ZNF385B: variants seen among roughly 807,000 people sequenced by gnomAD.
ZNF385B encodes zinc finger protein 533.
ZNF385B carries 23 observed loss-of-function variants against 39.2 expected under a neutral mutation model. That is an observed-to-expected ratio of 0.59 (90% CI 0.42 to 0.83). ZNF385B has a LOEUF of 0.83. ZNF385B is among the 40% of genes least tolerant of loss of function. The pLI, the probability that ZNF385B is intolerant of heterozygous loss-of-function variation, is 0.00. For synonymous variants in ZNF385B, 205 were observed against 222.6 expected, an observed-to-expected ratio of 0.92 and a Z score of 0.70; for missense variants, 552 against 598.9, an observed-to-expected ratio of 0.92 and a Z score of 0.82.
At chr2:179,451,550 A>G (rs1559241765) in intron 6 of ZNF385B, among the ~76,000 whole-genome samples, 1 of 152,144 alleles carries the variant, frequency 6.6e-6, no homozygotes, top group Non-Finnish European at 1.5e-5. Flanking sequence ...TAAAATTCAG[A>G]TAAATTATGT....
chr2:179,649,143 A>G (rs1310371637), intron 3 of ZNF385B, among the ~76,000 whole-genome samples: 1 of 152,220 alleles, frequency 6.6e-6, no homozygotes, highest in African/African-American at 2.4e-5. Flanking sequence ...AAGAGGAAAC[A>G]GCAGGAAACA....
At chr2:179,757,214 T>G (rs940518171) in intron 3 of ZNF385B, among the ~76,000 whole-genome samples, 4 of 152,230 alleles carry the variant, frequency 2.6e-5, no homozygotes, top group Admixed American at 1.3e-4. Flanking sequence ...CTGTTGGAGT[T>G]TGCTGGAGGT....
chr2:179,444,707 T>C (rs2049293420), intron 9 of ZNF385B, among the ~76,000 whole-genome samples, 169 bp downstream of exon 9: 1 of 152,206 alleles, frequency 6.6e-6, no homozygotes, highest in Non-Finnish European at 1.5e-5. Flanking sequence ...TCTAAGTAAG[T>C]TGCCCTATAG....
chr2:179,690,737 T>A (rs1698292639), intron 3 of ZNF385B, among the ~76,000 whole-genome samples: 1 of 152,220 alleles, frequency 6.6e-6, no homozygotes, highest in South Asian at 2.1e-4. Context: ...ATCTGAAATA[T>A]GGGGTCACAC....
chr2:179,445,331 C>T (rs1472616216), intron 8 of ZNF385B, among the ~76,000 whole-genome samples: 1 of 152,202 alleles, frequency 6.6e-6, no homozygotes, highest in Non-Finnish European at 1.5e-5. Context: ...ATCTCTCCAA[C>T]ATCTAGCCTG....
intron 3 of ZNF385B, among the ~76,000 whole-genome samples, chr2:179,595,502 G>A (rs1687920276): frequency 6.6e-6 from 1 of 152,142 alleles, no homozygotes; most frequent in Non-Finnish European, 1.5e-5. Context: ...GTGCAGGGTG[G>A]TGATGCTTCC....
chr2:179,826,381 T>C (rs530057069), intron 1 of ZNF385B, among the ~76,000 whole-genome samples: 4 of 152,232 alleles, frequency 2.6e-5, no homozygotes, highest in African/African-American at 9.6e-5. Context: ...GGGATAGAGG[T>C]AGAAGGCTGG....
At chr2:179,754,332 T>G (rs1702876566) in intron 3 of ZNF385B, among the ~76,000 whole-genome samples, 1 of 152,222 alleles carries the variant, frequency 6.6e-6, no homozygotes, top group Non-Finnish European at 1.5e-5. Flanking sequence ...GAATTCGGTG[T>G]GCCAGTATTT....
At chr2:179,502,281 G>C (rs1448582035) in intron 5 of ZNF385B, among the ~76,000 whole-genome samples, 2 of 152,220 alleles carry the variant, frequency 1.3e-5, no homozygotes, top group Non-Finnish European at 2.9e-5. Context: ...TTGGGAGACT[G>C]TTGGGAAGGC....
At chr2:179,581,704 G>A (rs989830506) in intron 3 of ZNF385B, among the ~76,000 whole-genome samples, 37 of 152,322 alleles carry the variant, frequency 2.4e-4, no homozygotes, top group African/African-American at 8.9e-4. Flanking sequence ...GATACAGAAA[G>A]CATTTCCCAG....
At chr2:179,651,305 C>T (rs911262611) in intron 3 of ZNF385B, among the ~76,000 whole-genome samples, 2 of 151,964 alleles carry the variant, frequency 1.3e-5, no homozygotes, top group Admixed American at 6.6e-5. Flanking sequence ...GATCAATAAA[C>T]GTAAAGCAGT....
intron 3 of ZNF385B, among the ~76,000 whole-genome samples, chr2:179,753,383 C>T (rs1192795190): frequency 6.6e-6 from 1 of 152,160 alleles, no homozygotes; most frequent in African/African-American, 2.4e-5. Flanking sequence ...ATGCCTCCAG[C>T]TTTGCTCTTT....
In ZNF385B at chr2:179,643,626, C is replaced by T. The variant is rs570454816; in HGVS notation, c.299-98657G>A. Reference sequence around the variant, plus strand: ...GAGGCCAGTTTCAAAAGGTAGCATACGGTATGATTCCATATATGTAACATT... The same window carrying T: ...GAGGCCAGTTTCAAAAGGTAGCATATGGTATGATTCCATATATGTAACATT... On this transcript the variant is annotated intron_variant, in intron 3 of 9. Transcript: ENST00000410066. 5.9e-5 allele frequency among the ~76,000 whole-genome samples: 9 copies of T among 152,192 alleles called. No individual in the cohort carries two copies. The South Asian group carries it at 1.2e-3, about 21-fold the overall frequency.
rs111664903 is a variant in ZNF385B at position 179,442,180 on chromosome 2, G to A, written c.*1070C>T. On this transcript the variant is annotated 3_prime_UTR_variant, in exon 10 of 10. Coordinates refer to ENST00000410066, the MANE Select transcript of ZNF385B (RefSeq NM_152520.6). ...AAAGGGGGGCATGGGAGCATGACCT[G>A]CAATATATTCAGCGAACAGAAAGAC... 3,839 of 152,650 alleles carry A rather than the reference G, an allele frequency of 0.025. 57 individuals are homozygous for A. The highest frequency in any genetic ancestry group is 0.037 in the Middle Eastern group (11 of 294). 9.5% of individuals were successfully genotyped at this position (152,650 alleles called of 1,614,324 possible).
At chr2:179,835,639 T>C (rs1708209316) in intron 1 of ZNF385B, among the ~76,000 whole-genome samples, 1 of 152,082 alleles carries the variant, frequency 6.6e-6, no homozygotes, top group Admixed American at 6.6e-5. Context: ...CTCACCCTTA[T>C]GCATTAGTCC....
intron 1 of ZNF385B, among the ~76,000 whole-genome samples, chr2:179,809,430 A>T (rs1559214785): frequency 6.6e-6 from 1 of 152,168 alleles, no homozygotes; most frequent in Non-Finnish European, 1.5e-5. Context: ...TGCCCCACTT[A>T]ACTAGTCATT....
At chr2:179,701,958 C>T (rs1699237984) in intron 3 of ZNF385B, among the ~76,000 whole-genome samples, 1 of 152,156 alleles carries the variant, frequency 6.6e-6, no homozygotes. Flanking sequence ...AGAGATGAAT[C>T]CTCAGCTAAG....
At chr2:179,452,292 T>A (rs538488577) in intron 6 of ZNF385B, among the ~76,000 whole-genome samples, 57 of 152,236 alleles carry the variant, frequency 3.7e-4, no homozygotes, top group African/African-American at 1.4e-3. Flanking sequence ...AGAAAACCAG[T>A]CTTCAAAATG....
intron 3 of ZNF385B, among the ~76,000 whole-genome samples, chr2:179,724,024 T>C (rs1272687320): frequency 1.3e-5 from 2 of 152,108 alleles, no homozygotes; most frequent in East Asian, 1.9e-4. Flanking sequence ...TTTAAAGGCA[T>C]TGGGTGGGGC....
Sources: gnomAD v4.1 joint callset for allele counts (sites outside exome capture counted in the v4.1 genomes callset) on GRCh38, gnomAD v4.1.1 for gene constraint, MANE v1.5 for transcripts, NCBI Gene and HGNC (gene_info 2026-07-23, HGNC 2026-07-21) for gene names.